IPO8: variants seen among roughly 807,000 people sequenced by gnomAD.
The protein encoded by IPO8 is importin 8, also known as importin-8.
In IPO8, 65 loss-of-function variants were observed where a neutral mutation model predicts 141.2. That is an observed-to-expected ratio of 0.46 (90% confidence interval 0.38 to 0.57). The LOEUF is 0.57. Among genes scored for constraint, IPO8 ranks in the 20% least tolerant of loss-of-function variants. The pLI is 0.00. For missense variants in IPO8, 980 were observed against 1,246.8 expected (o/e 0.79, Z 3.22); for synonymous variants, 411 against 420.3 (o/e 0.98, Z 0.27).
At chr12:30,669,153 A>T in intron 10 of IPO8, 30 bp downstream of exon 10, 3 of 935,866 alleles carry the variant, frequency 3.2e-6, no homozygotes, top group Non-Finnish European at 5.0e-6. Context: ...ATATCCAGGA[A>T]CTGATGAGAA....
Position 30,634,219 on chromosome 12 carries a change from T to C in IPO8, c.2763A>G (p.Arg921=), listed in dbSNP as rs200133541. Residue 921 remains arginine (R), a synonymous_variant, in exon 23 of 25, where the codon AGA becomes AGG. Transcript: ENST00000256079. ...TAQAMQSNNG[R]GEDEEEEDDD... ...CATCTTCCTCCTCCTCATCTTCACC[T>C]CTTCCATTATTTGACTGCATTGCTT... 1.2e-6 allele frequency: 2 copies of C among 1,614,014 alleles called. No homozygotes were observed. The highest frequency in any genetic ancestry group is 8.5e-7 in the Non-Finnish European group (1 of 1,179,888).
At chr12:30,669,150 G>T in intron 10 of IPO8, 33 bp downstream of exon 10, 1 of 915,512 alleles carries the variant, frequency 1.1e-6, no homozygotes. Context: ...TACATATCCA[G>T]GAACTGATGA....
At chr12:30,671,567 G>A (rs1032866617) in intron 8 of IPO8, among the ~76,000 whole-genome samples, 1 of 151,730 alleles carries the variant, frequency 6.6e-6, no homozygotes, top group African/African-American at 2.4e-5. Flanking sequence ...CCAGCTACTG[G>A]GGAGGCTGAG....
At position 30,662,371 on chromosome 12, in the gene IPO8, T is replaced by C. The variant is rs370360533; in HGVS notation, c.1711A>G (p.Ser571Gly). ...ACAGCAATTGAGGCTACCTCTTGAC[T>C]GTATTCACATATCATCTTCTGGATG... Reference protein sequence around the residue: ...NVIQKMICEYSQEVASIAVDM... With the variant: ...NVIQKMICEYGQEVASIAVDM... The change falls in exon 15 of 25, where the codon AGT (serine) becomes GGT (glycine). Residue 571 changes from serine (S) to glycine (G), a missense_variant. Transcript: ENST00000256079. 3.1e-6 allele frequency: 5 copies of C among 1,613,812 alleles called. No individual in the cohort carries two copies. The highest frequency in any genetic ancestry group is 1.3e-5 in the African/African-American group (1 of 74,940).
At chr12:30,654,347 A>C (rs2052769034) in intron 17 of IPO8, among the ~76,000 whole-genome samples, 1 of 151,762 alleles carries the variant, frequency 6.6e-6, no homozygotes, top group Non-Finnish European at 1.5e-5. Context: ...ACCCCAAAGC[A>C]CACACAACAA....
chr12:30,685,900 C>CAAAA, intron 2 of IPO8, among the ~76,000 whole-genome samples: 1 of 88,006 alleles, frequency 1.1e-5, no homozygotes. Flanking sequence ...AAGACTCTGT[C>CAAAA]AAAAAAAAAA....
chr12:30,638,843 G>A (rs1480606102), intron 21 of IPO8, among the ~76,000 whole-genome samples: 5 of 152,016 alleles, frequency 3.3e-5, no homozygotes. Flanking sequence ...GCTTTTTTGT[G>A]TGCTTTTTTA....
At chr12:30,692,381 T>C (rs2136178280) in intron 1 of IPO8, among the ~76,000 whole-genome samples, 1 of 152,346 alleles carries the variant, frequency 6.6e-6, no homozygotes, top group Non-Finnish European at 1.5e-5. Context: ...CTTTCAGCAT[T>C]GATTCATTCT....
At chr12:30,640,861 G>A (rs2052565810) in intron 20 of IPO8, among the ~76,000 whole-genome samples, 1 of 152,134 alleles carries the variant, frequency 6.6e-6, no homozygotes, top group Non-Finnish European at 1.5e-5. Context: ...GACATTGAAT[G>A]TTCTCAACAC....
rs140856253 is a variant in IPO8, at chr12:30,643,238, C to G, written c.2269-3503G>C. On this transcript the variant is annotated intron_variant, in intron 20 of 24. Coordinates refer to ENST00000256079, the MANE Select transcript of IPO8 (RefSeq NM_006390.4). ...CTCCTAGTAAAATTACACACCATCA[C>G]CCATGAAGTGCATGAGCCAAGATCA... is the stretch of plus-strand genomic sequence containing the variant. Among the ~76,000 whole-genome samples, 62 of 152,266 alleles carry G rather than the reference C, an allele frequency of 4.1e-4. No individual in the cohort carries two copies. The East Asian group carries it at 0.011, about 27-fold the overall frequency.
chr12:30,663,482 G>A lies in IPO8; in HGVS notation c.1594+7C>T. On this transcript the variant is annotated splice_region_variant and intron_variant, in intron 14 of 24. Coordinates refer to ENST00000256079, the MANE Select transcript of IPO8 (RefSeq NM_006390.4). ...GAGAAGATGTCTAAAAGGTATTTTG[G>A]CTTTACCTTGTATCTGGTTAGAAAT... 1.2e-6 allele frequency: 2 copies of A among 1,602,194 alleles called. No homozygotes were observed. The highest frequency in any genetic ancestry group is 1.1e-5 in the South Asian group (1 of 88,680).
intron 17 of IPO8, among the ~76,000 whole-genome samples, chr12:30,654,212 TA>T (rs2052765887): frequency 6.6e-6 from 1 of 151,822 alleles, no homozygotes; most frequent in Non-Finnish European, 1.5e-5. Context: ...TGAAATTAAT[TA>T]AATACTTAAG....
intron 4 of IPO8, among the ~76,000 whole-genome samples, 175 bp from the exon 5 acceptor site, chr12:30,680,813 A>G (rs1283676416): frequency 6.6e-6 from 1 of 152,178 alleles, no homozygotes; most frequent in Non-Finnish European, 1.5e-5. Context: ...AAAATAACAC[A>G]TCCTGTTTTA....
chr12:30,653,016 T>C lies in IPO8; in HGVS notation c.2025A>G (p.Leu675=). The stretch of plus-strand genomic sequence containing the variant: ...GCTGAAACACTTCATATAGTATACC[T>C]AGAAGCTGCCACATTTGAGGGGAAA... The part of the protein sequence containing the change: ...HSISPQMWQL[L]GILYEVFQQD... Residue 675 remains leucine, a synonymous_variant, in exon 18 of 25, where the codon CTA becomes CTG. Coordinates refer to ENST00000256079, the MANE Select transcript of IPO8 (RefSeq NM_006390.4). The C allele has an allele frequency of 1.9e-6, 3 of 1,611,984 alleles. No homozygotes were observed. Among genetic ancestry groups the C allele is most frequent in the Non-Finnish European group, 2.5e-6 (3 of 1,178,722 alleles).
chr12:30,636,373 C>T (rs1212135491), intron 22 of IPO8, among the ~76,000 whole-genome samples: 1 of 151,992 alleles, frequency 6.6e-6, no homozygotes, highest in Non-Finnish European at 1.5e-5. Flanking sequence ...CAAGTAGCTC[C>T]GCAATCTCAT....
chr12:30,638,020 A>G (rs4143105), intron 21 of IPO8, among the ~76,000 whole-genome samples: 84,903 of 151,970 alleles, frequency 0.56, 24,639 homozygotes, highest in African/African-American at 0.71. Context: ...CTAGTACGCT[A>G]TAACAGAACT....
rs975653728 is a variant in IPO8 at position 30,649,048 on chromosome 12, T to C, written c.2268+89A>G. On this transcript the variant is annotated intron_variant, in intron 20 of 24. Transcript: ENST00000256079. The stretch of plus-strand genomic sequence containing the variant: ...CACAATCTATAGGCTGTCCTTTCCA[T>C]TTTTCATCATAATATAAATGAAAAG... 16 of 868,374 alleles carry C rather than the reference T, an allele frequency of 1.8e-5. No individual in the cohort carries two copies. In the Admixed American group the frequency reaches 2.4e-4, roughly 13 times the overall value. The allele number at this position is 868,374 out of a possible 1,614,324, so 53.8% of individuals were successfully genotyped here.
chr12:30,657,434 T>C (rs987909911), intron 16 of IPO8, among the ~76,000 whole-genome samples: 2 of 152,200 alleles, frequency 1.3e-5, no homozygotes, highest in Non-Finnish European at 2.9e-5. Flanking sequence ...CTGTTGTATA[T>C]TGATTTCTGG....
chr12:30,663,554 T>A lies in IPO8; in HGVS notation c.1529A>T (p.Lys510Ile). 6.2e-7 allele frequency: 1 copy of A among 1,613,914 alleles called. No individual in the cohort carries two copies. The highest frequency in any genetic ancestry group is 8.5e-7 in the Non-Finnish European group (1 of 1,179,938). Residue 510 changes from lysine (K) to isoleucine (I), a missense_variant, in exon 14 of 25, where the codon AAA becomes ATA. Physicochemically the swap from Lys to Ile is moderately radical, Grantham distance 102. Transcript: ENST00000256079. The part of the protein sequence containing the change: ...ELAKKSLIED[K>I]EMPVKVEAAL... ...AGCTTCAACTTTGACAGGCATCTCTTTATCTTCAATCAGGCTCTTCTTCGC... is the reference window on the plus strand; with the variant it reads ...AGCTTCAACTTTGACAGGCATCTCTATATCTTCAATCAGGCTCTTCTTCGC...
Sources: gnomAD v4.1 joint callset for allele counts (sites outside exome capture counted in the v4.1 genomes callset) on GRCh38, gnomAD v4.1.1 for gene constraint, MANE v1.5 for transcripts, NCBI Gene and HGNC (gene_info 2026-07-23, HGNC 2026-07-21) for gene names.